Variants in LIPC observed in about 807,000 individuals in gnomAD.
LIPC encodes lipase C, hepatic type.
A neutral mutation model predicts 50.7 loss-of-function variants in LIPC; 44 were observed. That is an observed-to-expected ratio of 0.87 (90% CI 0.68 to 1.11). LIPC has a LOEUF of 1.11. LIPC is among the 50% of genes most tolerant of loss of function. The probability of loss-of-function intolerance (pLI) is 0.00; values close to 1 mark genes in which losing one functional copy is unlikely to be tolerated. For synonymous variants in LIPC, 271 were observed against 256.4 expected, an observed-to-expected ratio of 1.06 and a Z score of -0.54; for missense variants, 697 against 648.2, an observed-to-expected ratio of 1.08 and a Z score of -0.82.
intron 2 of LIPC, among the ~76,000 whole-genome samples, chr15:58,539,237 G>A (rs1203982758): frequency 4.6e-5 from 7 of 152,282 alleles, no homozygotes; most frequent in South Asian, 2.1e-4. Flanking sequence ...TTTACAAAGC[G>A]TACAACTTAT....
At chr15:58,497,185 G>T (rs1485978689) in intron 1 of LIPC, among the ~76,000 whole-genome samples, 2 of 152,170 alleles carry the variant, frequency 1.3e-5, no homozygotes, top group Non-Finnish European at 2.9e-5. Flanking sequence ...AGTGGTCAGT[G>T]TGCAGTAAAT....
chr15:58,535,144 C>G (rs1270348198), intron 1 of LIPC, among the ~76,000 whole-genome samples: 4 of 152,164 alleles, frequency 2.6e-5, no homozygotes, highest in Admixed American at 6.6e-5. Context: ...CGACCTCTTC[C>G]CTAAAGCCCC....
chr15:58,491,132 C>T (rs140605850), intron 1 of LIPC, among the ~76,000 whole-genome samples: 1 of 152,242 alleles, frequency 6.6e-6, no homozygotes, highest in East Asian at 1.9e-4. Flanking sequence ...ACAGCCAGGC[C>T]GCAAGAGGAC....
chr15:58,449,165 G>A (rs1463537788), intron 1 of LIPC, among the ~76,000 whole-genome samples: 9 of 152,178 alleles, frequency 5.9e-5, no homozygotes, highest in Non-Finnish European at 8.8e-5. Flanking sequence ...CTACTCAGAC[G>A]CCAGTCTGCG....
chr15:58,538,664 GC>G, intron 2 of LIPC, 147 bp downstream of exon 2: 1 of 770,328 alleles, frequency 1.3e-6, no homozygotes, highest in South Asian at 1.5e-5. Flanking sequence ...TTTTCCAAGT[GC>G]TTCCCCACGC....
intron 6 of LIPC, among the ~76,000 whole-genome samples, chr15:58,560,101 A>C (rs1056068585): frequency 6.6e-6 from 1 of 152,258 alleles, no homozygotes; most frequent in Admixed American, 6.5e-5. Flanking sequence ...ATGTATTATC[A>C]TTTAACGATG....
intron 8 of LIPC, chr15:58,563,937 C>T (rs1010350816): frequency 4.4e-5 from 26 of 590,090 alleles, no homozygotes; most frequent in Non-Finnish European, 6.6e-5. Context: ...TGAATACACA[C>T]CAGGGTCTCC....
At chr15:58,515,533 C>CACATATATATATATATATAT (rs147594972) in intron 1 of LIPC, among the ~76,000 whole-genome samples, 62 of 141,714 alleles carry the variant, frequency 4.4e-4, no homozygotes, top group Admixed American at 1.3e-3. Flanking sequence ...TATACACACA[C>CACATATATATATATATATAT]ATATATATAT....
At chr15:58,524,546 T>C (rs1434560017) in intron 1 of LIPC, among the ~76,000 whole-genome samples, 1 of 152,262 alleles carries the variant, frequency 6.6e-6, no homozygotes, top group Non-Finnish European at 1.5e-5. Flanking sequence ...CCATTTTGCA[T>C]TCCTGCCAGT....
chr15:58,505,239 G>A (rs1335265994), intron 1 of LIPC, among the ~76,000 whole-genome samples: 1 of 152,334 alleles, frequency 6.6e-6, no homozygotes, highest in Non-Finnish European at 1.5e-5. Flanking sequence ...GCAGACGGAG[G>A]CCACATGCCA....
intron 5 of LIPC, among the ~76,000 whole-genome samples, chr15:58,546,222 A>G (rs1269247526): frequency 1.3e-5 from 2 of 152,210 alleles, no homozygotes; most frequent in Non-Finnish European, 2.9e-5. Flanking sequence ...GGGCACCAAC[A>G]GGAACCTCCA....
intron 1 of LIPC, chr15:58,456,484 G>A (rs1226252729): frequency 4.6e-5 from 7 of 152,358 alleles, no homozygotes; most frequent in African/African-American, 1.4e-4. Context: ...AGCCAAACCT[G>A]AAGCCATAGC....
At chr15:58,461,889 TCTGTCCACCCCTCCACACCTGCCTCGTG>T (rs1273775239) in intron 1 of LIPC, among the ~76,000 whole-genome samples, 1 of 151,948 alleles carries the variant, frequency 6.6e-6, no homozygotes, top group East Asian at 1.9e-4. Context: ...CACACCTTAC[TCTGTCCACCCCTCCACACCTGCCTCGTG>T]CTGTCCCCCC....
intron 1 of LIPC, among the ~76,000 whole-genome samples, chr15:58,536,218 A>C (rs530043648): frequency 6.6e-6 from 1 of 152,172 alleles, no homozygotes; most frequent in Non-Finnish European, 1.5e-5. Context: ...GGAGCAGCAG[A>C]GACAGAGCAG....
At chr15:58,484,654 G>A (rs1214504047) in intron 1 of LIPC, among the ~76,000 whole-genome samples, 3 of 152,238 alleles carry the variant, frequency 2.0e-5, no homozygotes, top group African/African-American at 7.2e-5. Flanking sequence ...AGCTCCAGGT[G>A]GGGCTCATGG....
At chr15:58,508,082 T>C (rs1892211731) in intron 1 of LIPC, among the ~76,000 whole-genome samples, 1 of 152,144 alleles carries the variant, frequency 6.6e-6, no homozygotes, top group Non-Finnish European at 1.5e-5. Flanking sequence ...TTTCTTCCTG[T>C]GATATGGGTT....
intron 1 of LIPC, among the ~76,000 whole-genome samples, chr15:58,433,133 A>G (rs543107911): frequency 8.5e-5 from 13 of 152,332 alleles, no homozygotes; most frequent in Non-Finnish European, 1.8e-4. Flanking sequence ...TTGACACATC[A>G]TCTCATTTAT....
At chr15:58,438,351 G>A (rs1294689165) in intron 1 of LIPC, among the ~76,000 whole-genome samples, 1 of 152,166 alleles carries the variant, frequency 6.6e-6, no homozygotes, top group Non-Finnish European at 1.5e-5. Context: ...GCTCCACGTA[G>A]AACAGAGGTC....
chr15:58,464,071 A>T (rs528880496), intron 1 of LIPC, among the ~76,000 whole-genome samples: 22 of 151,726 alleles, frequency 1.4e-4, no homozygotes, highest in African/African-American at 5.3e-4. Context: ...CAAAGCTTTC[A>T]TTTTTTTTGA....
Sources: gnomAD v4.1 joint callset for allele counts (sites outside exome capture counted in the v4.1 genomes callset) on GRCh38, gnomAD v4.1.1 for gene constraint, MANE v1.5 for transcripts, NCBI Gene and HGNC (gene_info 2026-07-23, HGNC 2026-07-21) for gene names.